Variants in KLF8 observed in about 807,000 individuals in gnomAD.
KLF8 encodes the protein Krueppel-like factor 8.
KLF8 carries 10 observed loss-of-function variants against 18.2 expected under a neutral mutation model. That is an observed-to-expected ratio of 0.55 (90% CI 0.34 to 0.93). KLF8 has a LOEUF of 0.93. KLF8 is among the 40% of genes least tolerant of loss of function. The pLI, the probability that KLF8 is intolerant of heterozygous loss-of-function variation, is 0.02. For missense variants in KLF8, 264 were observed against 277.9 expected (o/e 0.95, Z 0.36); for synonymous variants, 109 against 97.3 (o/e 1.12, Z -0.71).
the KLF8 span, among the ~76,000 whole-genome samples, chrX:55,991,580 G>A: frequency 3.6e-5 from 4 of 111,379 alleles, no homozygotes; most frequent in African/African-American, 9.8e-5. Flanking sequence ...GAAATCACCC[G>A]TCTTCTGTGT....
At chrX:56,090,897 T>C in the KLF8 span, among the ~76,000 whole-genome samples, 3 of 111,918 alleles carry the variant, frequency 2.7e-5, no homozygotes, top group Non-Finnish European at 5.6e-5. Flanking sequence ...TGTTTCTGAG[T>C]TATTTCACTT....
the KLF8 span, among the ~76,000 whole-genome samples, chrX:56,093,709 G>A: frequency 9.1e-6 from 1 of 110,371 alleles, no homozygotes; most frequent in Non-Finnish European, 1.9e-5. Context: ...ATAATAGTCT[G>A]CTCAAAATAA....
At chrX:56,231,969 C>G (rs1234863791), upstream of KLF8, among the ~76,000 whole-genome samples, 1 of 110,949 alleles carries the variant, frequency 9.0e-6, no homozygotes, top group Non-Finnish European at 1.9e-5. Flanking sequence ...CTTTTAGCTT[C>G]CTCCCTGAGA....
the KLF8 span, among the ~76,000 whole-genome samples, chrX:55,943,685 G>A: frequency 8.9e-6 from 1 of 112,202 alleles, no homozygotes; most frequent in East Asian, 2.8e-4. Context: ...TAAGGCTATG[G>A]AGGAAAGCCA....
At chrX:56,016,983 C>G in the KLF8 span, among the ~76,000 whole-genome samples, 1 of 111,067 alleles carries the variant, frequency 9.0e-6, no homozygotes, top group Admixed American at 9.6e-5. Flanking sequence ...CAGTAGTTCA[C>G]TGGAGAGGTT....
At chrX:55,972,369 A>G in the KLF8 span, among the ~76,000 whole-genome samples, 2 of 111,027 alleles carry the variant, frequency 1.8e-5, no homozygotes, top group East Asian at 2.8e-4. Flanking sequence ...GAGTGGAAGT[A>G]TGGTTACAAG....
At chrX:56,220,730 C>T in the KLF8 span, among the ~76,000 whole-genome samples, 2 of 111,891 alleles carry the variant, frequency 1.8e-5, no homozygotes, top group Admixed American at 9.4e-5. Context: ...TCAAGTGATC[C>T]GCCCGCCTCA....
chrX:56,279,855 A>G (rs1243047234), intron 5 of KLF8, among the ~76,000 whole-genome samples: 1 of 112,137 alleles, frequency 8.9e-6, no homozygotes, highest in African/African-American at 3.2e-5. Context: ...CCATAGGATT[A>G]GACATTTGTA....
At chrX:56,004,064 TC>T in the KLF8 span, among the ~76,000 whole-genome samples, 2 of 112,223 alleles carry the variant, frequency 1.8e-5, no homozygotes, top group Non-Finnish European at 3.8e-5. Flanking sequence ...ATTCCTTACT[TC>T]CCCTTTAAAC....
At chrX:55,985,771 G>GT in the KLF8 span, among the ~76,000 whole-genome samples, 2 of 110,539 alleles carry the variant, frequency 1.8e-5, no homozygotes, top group African/African-American at 3.3e-5. Flanking sequence ...AGCATGGAAT[G>GT]TTTTTTTCAT....
At chrX:56,070,392 G>A in the KLF8 span, among the ~76,000 whole-genome samples, 2 of 110,718 alleles carry the variant, frequency 1.8e-5, no homozygotes, top group Non-Finnish European at 1.9e-5. Flanking sequence ...TTCTGCACAG[G>A]TGTCCCAAAT....
the KLF8 span, among the ~76,000 whole-genome samples, chrX:56,177,906 C>T: frequency 8.0e-5 from 9 of 111,882 alleles, no homozygotes; most frequent in South Asian, 2.3e-3. Context: ...AAGCCAGGTG[C>T]CAGATATAAT....
At chrX:56,041,059 A>T in the KLF8 span, among the ~76,000 whole-genome samples, 21 of 106,630 alleles carry the variant, frequency 2.0e-4, no homozygotes, top group Admixed American at 1.2e-3. Flanking sequence ...AGAGGTGTTT[A>T]TCGTATTCTC....
chrX:56,249,594 A>G (rs1479303044), intron 1 of KLF8, among the ~76,000 whole-genome samples: 6 of 111,297 alleles, frequency 5.4e-5, no homozygotes, highest in Admixed American at 3.8e-4. Flanking sequence ...GTGGCTTAGG[A>G]AAAAAAAGGC....
At chrX:56,254,146 T>C (rs1206196588) in intron 2 of KLF8, among the ~76,000 whole-genome samples, 1 of 111,587 alleles carries the variant, frequency 9.0e-6, no homozygotes, top group African/African-American at 3.3e-5. Flanking sequence ...GATAGGGATT[T>C]TATTGAATCT....
the KLF8 span, among the ~76,000 whole-genome samples, chrX:56,076,040 T>A: frequency 9.2e-6 from 1 of 109,245 alleles, no homozygotes; most frequent in Non-Finnish European, 1.9e-5. Context: ...TTCCCACCTA[T>A]AAGTGAGAAT....
At chrX:56,210,263 A>C in the KLF8 span, among the ~76,000 whole-genome samples, 1 of 111,614 alleles carries the variant, frequency 9.0e-6, no homozygotes, top group Non-Finnish European at 1.9e-5. Context: ...GTTTCTAGGA[A>C]AGTATTTATT....
chrX:56,070,944 T>C, the KLF8 span, among the ~76,000 whole-genome samples: 1 of 112,156 alleles, frequency 8.9e-6, no homozygotes, highest in South Asian at 3.7e-4. Context: ...TATGCATCAT[T>C]TACTCTAATA....
At chrX:56,123,021 A>C in the KLF8 span, among the ~76,000 whole-genome samples, 1 of 110,056 alleles carries the variant, frequency 9.1e-6, no homozygotes, top group Non-Finnish European at 1.9e-5. Flanking sequence ...CCTGAAAGAC[A>C]CACACACACA....
Sources: allele counts gnomAD v4.1 joint callset (sites outside exome capture counted in the v4.1 genomes callset), GRCh38; gene constraint gnomAD v4.1.1; transcripts MANE v1.5; gene names NCBI Gene and HGNC (gene_info 2026-07-23, HGNC 2026-07-21).